Variants in C5orf58 observed in about 807,000 individuals in gnomAD.
C5orf58 encodes the protein chromosome 5 open reading frame 58, also known as putative uncharacterized protein C5orf58.
C5orf58 carries 2 observed loss-of-function variants against 2.9 expected under a neutral mutation model. That is an observed-to-expected ratio of 0.69 (90% CI 0.28 to 2.18). The LOEUF (loss-of-function observed/expected upper bound fraction) is 2.18. Ranked by LOEUF, C5orf58 falls within the 30% of genes most tolerant of loss-of-function variation. C5orf58 has a pLI of 0.13. For synonymous variants in C5orf58, 37 were observed against 33.4 expected, an observed-to-expected ratio of 1.11 and a Z score of -0.37; for missense variants, 96 against 91.7, an observed-to-expected ratio of 1.05 and a Z score of -0.19.
downstream of C5orf58, chr5:170,248,008 T>A (rs1761338197): frequency 6.6e-6 from 1 of 152,228 alleles, no homozygotes; most frequent in Non-Finnish European, 1.5e-5. Flanking sequence ...GTATTTGTAG[T>A]TTAAATTTTC....
chr5:170,239,408 A>C (rs1041083300), intron 3 of C5orf58, among the ~76,000 whole-genome samples: 4 of 151,768 alleles, frequency 2.6e-5, no homozygotes, highest in Non-Finnish European at 4.4e-5. Context: ...GAAAAAAAAA[A>C]AATCAAATCT....
downstream of C5orf58, chr5:170,250,703 GA>G (rs763510313): frequency 4.4e-6 from 7 of 1,600,926 alleles, no homozygotes; most frequent in African/African-American, 1.3e-5. Flanking sequence ...AAGACTTTGG[GA>G]AAATGTCGAA....
downstream of C5orf58, among the ~76,000 whole-genome samples, chr5:170,249,137 C>T (rs1220062301): frequency 6.6e-6 from 1 of 152,056 alleles, no homozygotes; most frequent in Non-Finnish European, 1.5e-5. Context: ...GCTTGACCAA[C>T]ATGGTGAAAC....
chr5:170,251,186 G>T, downstream of C5orf58: 1 of 265,092 alleles, frequency 3.8e-6, no homozygotes, highest in Non-Finnish European at 7.2e-6. Flanking sequence ...ATAAATAATG[G>T]GTGGTTGAGT....
downstream of C5orf58, chr5:170,251,095 G>A: frequency 2.1e-6 from 1 of 483,788 alleles, no homozygotes; most frequent in Non-Finnish European, 3.7e-6. Context: ...TATTAAGAAA[G>A]GCAACAGAGA....
At chr5:170,236,982 T>A (rs569211772) in intron 3 of C5orf58, among the ~76,000 whole-genome samples, 6 of 152,326 alleles carry the variant, frequency 3.9e-5, no homozygotes, top group South Asian at 4.1e-4. Context: ...TCTTAAAAAA[T>A]TTTTATTAAA....
chr5:170,241,938 T>G (rs1761029552), intron 3 of C5orf58, among the ~76,000 whole-genome samples: 1 of 151,616 alleles, frequency 6.6e-6, no homozygotes, highest in African/African-American at 2.4e-5. Context: ...TCTTATTATT[T>G]TGAATTACAT....
downstream of C5orf58, among the ~76,000 whole-genome samples, chr5:170,249,524 C>T (rs1375375290): frequency 6.6e-6 from 1 of 152,000 alleles, no homozygotes; most frequent in African/African-American, 2.4e-5. Context: ...TTCTGCATCT[C>T]TATTTCACCC....
At chr5:170,240,950 G>C (rs1436504575) in intron 3 of C5orf58, among the ~76,000 whole-genome samples, 3 of 151,084 alleles carry the variant, frequency 2.0e-5, no homozygotes, top group Admixed American at 6.6e-5. Context: ...ATTGATTTTT[G>C]TATAAGGTGT....
At chr5:170,235,759 T>TA (rs1760715429) in intron 3 of C5orf58, among the ~76,000 whole-genome samples, 1 of 152,182 alleles carries the variant, frequency 6.6e-6, no homozygotes, top group African/African-American at 2.4e-5. Context: ...AATATGTAGT[T>TA]ATTCTTTTTA....
chr5:170,250,715 A>C, downstream of C5orf58: 1 of 1,610,350 alleles, frequency 6.2e-7, no homozygotes, highest in Non-Finnish European at 8.5e-7. Context: ...AAATGTCGAA[A>C]TTTGAAATCC....
At chr5:170,248,589 G>T, downstream of C5orf58, 1 of 1,153,534 alleles carries the variant, frequency 8.7e-7, no homozygotes, top group East Asian at 2.5e-5. Flanking sequence ...TTGTGTTCAT[G>T]GGGAGGGGTT....
exon 3 of C5orf58, chr5:170,251,767 CA>C (rs1405036226): frequency 2.4e-6 from 1 of 414,252 alleles, no homozygotes; most frequent in African/African-American, 2.0e-5. Context: ...GCTGACACAG[CA>C]CCCCCAGAAT....
chr5:170,250,686 A>T, downstream of C5orf58: 4 of 1,542,576 alleles, frequency 2.6e-6, no homozygotes, highest in Non-Finnish European at 3.6e-6. Flanking sequence ...GCAGAGTGGC[A>T]TAAATAAAGA....
At chr5:170,247,804 C>T (rs1346661366), downstream of C5orf58, 1 of 152,156 alleles carries the variant, frequency 6.6e-6, no homozygotes, top group African/African-American at 2.4e-5. Flanking sequence ...CCCTCGTCTT[C>T]CCAGGAAGCC....
chr5:170,246,045 A>G lies in C5orf58; in HGVS notation c.178A>G (p.Asn60Asp). 1 of 1,613,780 alleles carries G rather than the reference A, an allele frequency of 6.2e-7. No homozygotes were observed. Among genetic ancestry groups the G allele is most frequent in the Admixed American group, 1.7e-5 (1 of 60,030 alleles). Residue 60 changes from asparagine to aspartate, a missense_variant, in exon 4 of 4, where the codon AAC becomes GAC. Asn to Asp is a conservative substitution (Grantham distance 23, BLOSUM62 1). Coordinates refer to ENST00000593851, the MANE Select transcript of C5orf58 (RefSeq NM_001102609.3). ...KTENLAEAER[N>D]NPLFEESKIS... ...TGAGAACTTAGCAGAAGCAGAAAGA[A>G]ACAACCCCCTCTTTGAAGAGTCTAA...
chr5:170,243,159 C>T (rs1328824914), intron 3 of C5orf58, among the ~76,000 whole-genome samples: 1 of 149,448 alleles, frequency 6.7e-6, no homozygotes, highest in Non-Finnish European at 1.5e-5. Flanking sequence ...GTTATAATCT[C>T]TGTTCTTTTA....
At chr5:170,250,820 C>T, downstream of C5orf58, 4 of 1,612,644 alleles carry the variant, frequency 2.5e-6, no homozygotes, top group Non-Finnish European at 3.4e-6. Context: ...CTTTGTACAA[C>T]ACCATGAGGA....
rs1017607989 is a variant in C5orf58 at position 170,236,026 on chromosome 5, T to A, written c.94+956T>A. 2.1e-4 allele frequency among the ~76,000 whole-genome samples: 32 copies of A among 152,222 alleles called. No individual in the cohort carries two copies. The East Asian group carries it at 6.0e-3, about 28-fold the overall frequency. ...GAGGTGCTCATATATAGACAGTCTC[T>A]TTTTATAAGTCTCCTCCCAGATCCC... is the stretch of plus-strand genomic sequence containing the variant. On this transcript the variant is annotated intron_variant, in intron 3 of 3. Coordinates refer to ENST00000593851, the MANE Select transcript of C5orf58 (RefSeq NM_001102609.3).
Sources: allele counts gnomAD v4.1 joint callset (sites outside exome capture counted in the v4.1 genomes callset), GRCh38; gene constraint gnomAD v4.1.1; transcripts MANE v1.5; gene names NCBI Gene and HGNC (gene_info 2026-07-23, HGNC 2026-07-21).